NUDCD2: variants seen among roughly 807,000 people sequenced by gnomAD.
NUDCD2 encodes nudC domain-containing protein 2.
Under a neutral mutation model 20.8 loss-of-function variants are expected in NUDCD2, and 16 were observed. That is an observed-to-expected ratio of 0.77 (90% confidence interval 0.52 to 1.17). NUDCD2 has a LOEUF of 1.17. Among genes scored for constraint, NUDCD2 ranks in the 50% most tolerant of loss-of-function variants. The probability of loss-of-function intolerance (pLI) is 0.00; values close to 1 mark genes in which losing one functional copy is unlikely to be tolerated. For synonymous variants in NUDCD2, 87 were observed against 72.8 expected, an observed-to-expected ratio of 1.20 and a Z score of -1.00; for missense variants, 199 against 193.9, an observed-to-expected ratio of 1.03 and a Z score of -0.16.
Position 163,452,355 on chromosome 5 carries a change from T to C in NUDCD2, c.*1612A>G, listed in dbSNP as rs892260405. ...TTCTTGGGTTAGGTCGAGGACAGCA[T>C]GAGAAGCCTGGTATATCTTATGCCA... On this transcript the variant is annotated 3_prime_UTR_variant, in exon 4 of 4. Coordinates refer to ENST00000302764, the MANE Select transcript of NUDCD2 (RefSeq NM_145266.6). 2.0e-5 allele frequency: 3 copies of C among 152,132 alleles called. No individual in the cohort carries two copies. The highest frequency in any genetic ancestry group is 7.2e-5 in the African/African-American group (3 of 41,432). 9.4% of individuals were successfully genotyped at this position (152,132 alleles called of 1,614,324 possible).
chr5:163,456,829 T>C (rs922859107), intron 3 of NUDCD2, 100 bp downstream of exon 3: 14 of 925,368 alleles, frequency 1.5e-5, no homozygotes, highest in Non-Finnish European at 2.1e-5. Flanking sequence ...AGAAAATGTT[T>C]GTAACTTTTC....
At position 163,453,766 on chromosome 5, in the gene NUDCD2, T is replaced by C. The variant is rs1758236291; in HGVS notation, c.*201A>G. On this transcript the variant is annotated 3_prime_UTR_variant, in exon 4 of 4. Coordinates refer to ENST00000302764, the MANE Select transcript of NUDCD2 (RefSeq NM_145266.6). Reference sequence around the variant, plus strand: ...GAGCAAAAACAAGTCCAAAACAACTTTACCATATATCCATAGAATAGTTCC... The same window carrying C: ...GAGCAAAAACAAGTCCAAAACAACTCTACCATATATCCATAGAATAGTTCC... The C allele has an allele frequency of 2.7e-6, 1 of 365,620 alleles. No homozygotes were observed. The highest frequency in any genetic ancestry group is 5.0e-6 in the Non-Finnish European group (1 of 201,702). 22.6% of individuals were successfully genotyped at this position (365,620 alleles called of 1,614,324 possible).
intron 1 of NUDCD2, 126 bp downstream of exon 1, chr5:163,459,732 GGTCA>G (rs1758427982): frequency 1.4e-6 from 1 of 737,882 alleles, no homozygotes; most frequent in African/African-American, 1.8e-5. Flanking sequence ...ACCCAAACCT[GGTCA>G]GTGTTATCCT....
chr5:163,452,036 A>G lies in NUDCD2; in HGVS notation c.*1931T>C, dbSNP rs189763977. 1 of 152,138 alleles carries G rather than the reference A, an allele frequency of 6.6e-6. No homozygotes were observed. The highest frequency in any genetic ancestry group is 1.9e-4 in the East Asian group (1 of 5,162). 9.4% of individuals were successfully genotyped at this position (152,138 alleles called of 1,614,324 possible). On this transcript the variant is annotated 3_prime_UTR_variant, in exon 4 of 4. Coordinates refer to ENST00000302764, the MANE Select transcript of NUDCD2 (RefSeq NM_145266.6). ...CGACTGCACTCCAGTCTGGGCAACAAGAGTGAAACTCCACCTTAAAAAAAA... is the reference window on the plus strand; with the variant it reads ...CGACTGCACTCCAGTCTGGGCAACAGGAGTGAAACTCCACCTTAAAAAAAA...
intron 1 of NUDCD2, chr5:163,459,495 A>T (rs939171497): frequency 6.5e-6 from 1 of 154,912 alleles, no homozygotes; most frequent in Non-Finnish European, 1.4e-5. Context: ...GCTTCCGTAC[A>T]GGAGCTTAAC....
chr5:163,453,750 C>A lies in NUDCD2; in HGVS notation c.*217G>T. The A allele has an allele frequency of 2.9e-6, 1 of 344,544 alleles. No individual in the cohort carries two copies. Among genetic ancestry groups the A allele is most frequent in the Admixed American group, 4.7e-5 (1 of 21,382 alleles). The allele number at this position is 344,544 out of a possible 1,614,324, so 21.3% of individuals were successfully genotyped here. ...TATAAAACTTCATGCTGAGCAAAAA[C>A]AAGTCCAAAACAACTTTACCATATA... is the stretch of plus-strand genomic sequence containing the variant. On this transcript the variant is annotated 3_prime_UTR_variant, in exon 4 of 4. Coordinates refer to ENST00000302764, the MANE Select transcript of NUDCD2 (RefSeq NM_145266.6).
intron 1 of NUDCD2, among the ~76,000 whole-genome samples, chr5:163,457,979 C>CTTTTTTTTTT (rs540496894): frequency 4.1e-5 from 3 of 73,722 alleles, no homozygotes; most frequent in East Asian, 5.8e-4. Flanking sequence ...AAAATGTTGT[C>CTTTTTTTTTT]TTTTTTTTTT....
chr5:163,455,990 A>T (rs969983830), intron 3 of NUDCD2, among the ~76,000 whole-genome samples: 36 of 151,844 alleles, frequency 2.4e-4, no homozygotes, highest in Non-Finnish European at 4.7e-4. Flanking sequence ...ATGAGTCCCA[A>T]TTTTTTTTGA....
At position 163,449,134 on chromosome 5, in the gene NUDCD2, T is replaced by C. The variant is rs1758115223; in HGVS notation, c.*4833A>G. 6.6e-6 allele frequency: 1 copy of C among 152,222 alleles called. No individual in the cohort carries two copies. Among genetic ancestry groups the C allele is most frequent in the Non-Finnish European group, 1.5e-5 (1 of 68,040 alleles). 9.4% of individuals were successfully genotyped at this position (152,222 alleles called of 1,614,324 possible). ...AAAAAGAATAAAATAAAACTGTTCC[T>C]ATTCGTAGTTTATGTAGAAAACTTA... On this transcript the variant is annotated 3_prime_UTR_variant, in exon 4 of 4. Coordinates refer to ENST00000302764, the MANE Select transcript of NUDCD2 (RefSeq NM_145266.6).
Position 163,449,823 on chromosome 5 carries a change from C to T in NUDCD2, c.*4144G>A, listed in dbSNP as rs1321304340. 3 of 152,090 alleles carry T rather than the reference C, an allele frequency of 2.0e-5. No individual in the cohort carries two copies. Among genetic ancestry groups the T allele is most frequent in the Non-Finnish European group, 2.9e-5 (2 of 68,018 alleles). 9.4% of individuals were successfully genotyped at this position (152,090 alleles called of 1,614,324 possible). A position where few individuals can be genotyped will look rare whatever the true frequency, so the allele number is the denominator to read the frequency against. On this transcript the variant is annotated 3_prime_UTR_variant, in exon 4 of 4. Coordinates refer to ENST00000302764, the MANE Select transcript of NUDCD2 (RefSeq NM_145266.6). Reference sequence around the variant, plus strand: ...ACTCAATGGGGAATGGAGAGTTTTTCAACAGACGATTTTAAAACAACTGAA... The same window carrying T: ...ACTCAATGGGGAATGGAGAGTTTTTTAACAGACGATTTTAAAACAACTGAA...
At chr5:163,458,944 TAATA>T (rs1758396351) in intron 1 of NUDCD2, 1 of 152,200 alleles carries the variant, frequency 6.6e-6, no homozygotes, top group Admixed American at 6.5e-5. Flanking sequence ...CCATATACTG[TAATA>T]TATATAATAG....
Position 163,453,923 on chromosome 5 carries a change from T to A in NUDCD2, c.*44A>T. 1 of 1,070,292 alleles carries A rather than the reference T, an allele frequency of 9.3e-7. No homozygotes were observed. Among genetic ancestry groups the A allele is most frequent in the Non-Finnish European group, 1.4e-6 (1 of 740,558 alleles). The allele number at this position is 1,070,292 out of a possible 1,614,324, so 66.3% of individuals were successfully genotyped here. A position where few individuals can be genotyped will look rare whatever the true frequency, so the allele number is the denominator to read the frequency against. ...ACATAATCTGTTTATCTGATTAAGT[T>A]GGCAATATCTGCTAGGATCCACAGA... is the stretch of plus-strand genomic sequence containing the variant. On this transcript the variant is annotated 3_prime_UTR_variant, in exon 4 of 4. Transcript: ENST00000302764.
intron 1 of NUDCD2, 99 bp downstream of exon 1, chr5:163,459,763 G>A: frequency 9.3e-7 from 1 of 1,069,700 alleles, no homozygotes; most frequent in Non-Finnish European, 1.4e-6. Flanking sequence ...CTTTCTGCCA[G>A]CCACAGGAGC....
chr5:163,458,889 T>G (rs1256840823), intron 1 of NUDCD2: 1 of 152,228 alleles, frequency 6.6e-6, no homozygotes, highest in African/African-American at 2.4e-5. Context: ...AGATCCAAGC[T>G]GACATAATGT....
rs1157876324 is a variant in NUDCD2, at chr5:163,455,919, T to C, written c.390+1010A>G. Among the ~76,000 whole-genome samples the C allele has an allele frequency of 3.9e-5, 6 of 152,152 alleles. No homozygotes were observed. In the South Asian group the frequency reaches 6.2e-4, roughly 16 times the overall value. ...CCAAATTCTAAATATATTTCGAAGG[T>C]AGCATCAGTAAGATTTCCTAATACA... On this transcript the variant is annotated intron_variant, in intron 3 of 3. Coordinates refer to ENST00000302764, the MANE Select transcript of NUDCD2 (RefSeq NM_145266.6).
At chr5:163,459,707 G>T in intron 1 of NUDCD2, 155 bp downstream of exon 1, 1 of 534,934 alleles carries the variant, frequency 1.9e-6, no homozygotes, top group Non-Finnish European at 3.2e-6. Context: ...CTGAAGAGGC[G>T]GGGGCTCTGA....
Position 163,449,369 on chromosome 5 carries a change from C to G in NUDCD2, c.*4598G>C, listed in dbSNP as rs889988183. On this transcript the variant is annotated 3_prime_UTR_variant, in exon 4 of 4. Coordinates refer to ENST00000302764, the MANE Select transcript of NUDCD2 (RefSeq NM_145266.6). Reference sequence around the variant, plus strand: ...ATACTAGCGATGTGCAATTGGAAACCCATGTTTCAAAAATAATACAACTTA... The same window carrying G: ...ATACTAGCGATGTGCAATTGGAAACGCATGTTTCAAAAATAATACAACTTA... 4 of 152,046 alleles carry G rather than the reference C, an allele frequency of 2.6e-5. No homozygotes were observed. The highest frequency in any genetic ancestry group is 9.7e-5 in the African/African-American group (4 of 41,372). 9.4% of individuals were successfully genotyped at this position (152,046 alleles called of 1,614,324 possible).
rs1053145108 is a variant in NUDCD2, at chr5:163,446,641, A to G, written c.*7326T>C. 6.6e-6 allele frequency: 1 copy of G among 152,254 alleles called. No homozygotes were observed. The highest frequency in any genetic ancestry group is 1.5e-5 in the Non-Finnish European group (1 of 68,050). The allele number at this position is 152,254 out of a possible 1,614,324, so 9.4% of individuals were successfully genotyped here. Reference sequence around the variant, plus strand: ...TTATTTCTCTATACTAATAACTTTGATAAAATGTTATTATTTATTAAATCT... The same window carrying G: ...TTATTTCTCTATACTAATAACTTTGGTAAAATGTTATTATTTATTAAATCT... On this transcript the variant is annotated 3_prime_UTR_variant, in exon 4 of 4. Transcript: ENST00000302764.
chr5:163,454,142 G>C (rs1369226529), intron 3 of NUDCD2, 92 bp from the exon 4 acceptor site: 1 of 561,478 alleles, frequency 1.8e-6, no homozygotes, highest in Admixed American at 3.3e-5. Flanking sequence ...ATATATAAAT[G>C]ACCAATAAAT....
Sources: allele counts gnomAD v4.1 joint callset (sites outside exome capture counted in the v4.1 genomes callset), GRCh38; gene constraint gnomAD v4.1.1; transcripts MANE v1.5; gene names NCBI Gene and HGNC (gene_info 2026-07-23, HGNC 2026-07-21).